Variants in DLGAP1 observed in about 807,000 individuals in gnomAD.
DLGAP1 encodes disks large-associated protein 1.
DLGAP1 carries 11 observed loss-of-function variants against 90.8 expected under a neutral mutation model. That is an observed-to-expected ratio of 0.12 (90% CI 0.08 to 0.20). DLGAP1 has a LOEUF of 0.20. Among genes scored for constraint, DLGAP1 ranks in the 10% least tolerant of loss-of-function variants. DLGAP1 has a pLI of 1.00. For missense variants in DLGAP1, 1,050 were observed against 1,333.8 expected, an observed-to-expected ratio of 0.79 and a Z score of 3.31; for synonymous variants, 558 against 540.7, an observed-to-expected ratio of 1.03 and a Z score of -0.44.
chr18:4,304,908 G>A (rs8088450), intron 1 of DLGAP1, among the ~76,000 whole-genome samples: 8,533 of 149,882 alleles, frequency 0.057, 761 homozygotes, highest in African/African-American at 0.19. Flanking sequence ...TCCAGCCTGG[G>A]TGACAAGAGC....
intron 7 of DLGAP1, among the ~76,000 whole-genome samples, chr18:3,630,790 A>G (rs888008414): frequency 1.3e-5 from 2 of 152,120 alleles, no homozygotes; most frequent in African/African-American, 2.4e-5. Flanking sequence ...TTGATGCTCA[A>G]TAGGGCAAAT....
intron 1 of DLGAP1, among the ~76,000 whole-genome samples, chr18:4,435,123 T>C (rs769144568): frequency 2.0e-5 from 3 of 152,088 alleles, no homozygotes; most frequent in Non-Finnish European, 4.4e-5. Context: ...AGAGAATAGT[T>C]TGGAGGAGGA....
chr18:4,023,391 T>C (rs1225312581), intron 2 of DLGAP1, among the ~76,000 whole-genome samples: 1 of 152,206 alleles, frequency 6.6e-6, no homozygotes, highest in African/African-American at 2.4e-5. Context: ...GTAAACTTTA[T>C]TGCATTGACT....
At chr18:4,052,494 G>A (rs989592627) in intron 2 of DLGAP1, among the ~76,000 whole-genome samples, 2 of 152,076 alleles carry the variant, frequency 1.3e-5, no homozygotes, top group South Asian at 2.1e-4. Flanking sequence ...ACACAGTCCC[G>A]AGGCTGGGCA....
intron 9 of DLGAP1, among the ~76,000 whole-genome samples, chr18:3,562,178 A>G (rs1002838228): frequency 2.0e-5 from 3 of 151,986 alleles, no homozygotes; most frequent in African/African-American, 4.8e-5. Flanking sequence ...AGTGAGCCGA[A>G]ATCATGCCAT....
chr18:3,946,249 G>C (rs915797790), intron 3 of DLGAP1, among the ~76,000 whole-genome samples: 1 of 152,012 alleles, frequency 6.6e-6, no homozygotes, highest in Non-Finnish European at 1.5e-5. Flanking sequence ...AGGGCAACTG[G>C]GTGGATTTCC....
At chr18:3,914,369 G>C (rs1417038915) in intron 3 of DLGAP1, among the ~76,000 whole-genome samples, 1 of 133,830 alleles carries the variant, frequency 7.5e-6, no homozygotes, top group Non-Finnish European at 1.6e-5. Flanking sequence ...CCATGTTGTT[G>C]CAAGTGCCAG....
chr18:4,235,375 T>TG (rs1568464405), intron 1 of DLGAP1, among the ~76,000 whole-genome samples: 1 of 152,164 alleles, frequency 6.6e-6, no homozygotes. Context: ...GAGGGGTAAC[T>TG]GGGGGCCAGA....
intron 1 of DLGAP1, among the ~76,000 whole-genome samples, chr18:4,321,935 C>T (rs370286316): frequency 7.4e-5 from 11 of 147,804 alleles, no homozygotes; most frequent in South Asian, 4.3e-4. Context: ...GGGTGGTTCA[C>T]GCCTGTAAAC....
chr18:3,699,176 T>G (rs2061194522), intron 7 of DLGAP1, among the ~76,000 whole-genome samples: 1 of 152,168 alleles, frequency 6.6e-6, no homozygotes. Flanking sequence ...CATCCAGTTT[T>G]GTTCCCTTGC....
chr18:3,754,767 G>A (rs867488755), intron 5 of DLGAP1, among the ~76,000 whole-genome samples: 17 of 150,816 alleles, frequency 1.1e-4, no homozygotes, highest in Middle Eastern at 3.4e-3. Context: ...GTGGCAGTGT[G>A]TGCCTGTAGT....
chr18:4,362,655 G>A (rs969479528), intron 1 of DLGAP1, among the ~76,000 whole-genome samples: 31 of 152,272 alleles, frequency 2.0e-4, no homozygotes, highest in African/African-American at 6.7e-4. Flanking sequence ...GAGATGGACG[G>A]TGGTGATGGT....
intron 3 of DLGAP1, among the ~76,000 whole-genome samples, chr18:3,901,920 T>A (rs187546106): frequency 6.6e-6 from 1 of 152,160 alleles, no homozygotes; most frequent in Non-Finnish European, 1.5e-5. Context: ...GTGTCCGTGG[T>A]ACTCTGAGAT....
At chr18:3,974,204 A>G (rs2149011752) in intron 3 of DLGAP1, among the ~76,000 whole-genome samples, 2 of 152,104 alleles carry the variant, frequency 1.3e-5, no homozygotes, top group South Asian at 4.2e-4. Context: ...CCTCCCGAGT[A>G]GCTGGGATCA....
At chr18:3,545,020 G>A (rs896564129) in intron 9 of DLGAP1, among the ~76,000 whole-genome samples, 2 of 152,076 alleles carry the variant, frequency 1.3e-5, no homozygotes, top group African/African-American at 4.8e-5. Flanking sequence ...TGTAATCCCA[G>A]CATTTTGGGA....
chr18:4,315,283 T>C (rs1354181984), intron 1 of DLGAP1, among the ~76,000 whole-genome samples: 1 of 152,170 alleles, frequency 6.6e-6, no homozygotes, highest in Non-Finnish European at 1.5e-5. Flanking sequence ...AGGATGTAAA[T>C]TGATTATTAT....
At chr18:4,049,912 G>GTCTA (rs2075108146) in intron 2 of DLGAP1, among the ~76,000 whole-genome samples, 1 of 148,698 alleles carries the variant, frequency 6.7e-6, no homozygotes, top group Admixed American at 6.7e-5. Context: ...CCATCCAACG[G>GTCTA]TCCATCCATC....
chr18:4,129,006 G>A (rs1439406426), intron 2 of DLGAP1, among the ~76,000 whole-genome samples: 1 of 152,064 alleles, frequency 6.6e-6, no homozygotes, highest in East Asian at 1.9e-4. Flanking sequence ...CAATAACAAA[G>A]GCTATAGAGT....
intron 7 of DLGAP1, among the ~76,000 whole-genome samples, chr18:3,612,366 T>C (rs561541027): frequency 1.3e-5 from 2 of 152,212 alleles, no homozygotes; most frequent in African/African-American, 2.4e-5. Flanking sequence ...ATATGGGAAA[T>C]GCTCAGTGTA....
Sources: allele counts gnomAD v4.1 joint callset (sites outside exome capture counted in the v4.1 genomes callset), GRCh38; gene constraint gnomAD v4.1.1; transcripts MANE v1.5; gene names NCBI Gene and HGNC (gene_info 2026-07-23, HGNC 2026-07-21).